IQSEC1: variants seen among roughly 807,000 people sequenced by gnomAD.
IQSEC1 encodes the protein IQ motif and Sec7 domain ArfGEF 1.
In IQSEC1, 31 loss-of-function variants were observed where a neutral mutation model predicts 91.0. That is an observed-to-expected ratio of 0.34 (90% confidence interval 0.26 to 0.46). The LOEUF (loss-of-function observed/expected upper bound fraction) is 0.46, where lower values mean the gene tolerates loss of function less well. Ranked by LOEUF, IQSEC1 falls within the 20% of genes least tolerant of loss-of-function variation. The pLI is 1.00. For synonymous variants in IQSEC1, 699 were observed against 662.6 expected (o/e 1.05, Z -0.84); for missense variants, 1,388 against 1,575.6 (o/e 0.88, Z 2.02).
intron 3 of IQSEC1, among the ~76,000 whole-genome samples, chr3:12,928,894 G>A (rs540350762): frequency 6.6e-5 from 10 of 152,168 alleles, no homozygotes; most frequent in Non-Finnish European, 1.0e-4. Flanking sequence ...GGGAAGCTGT[G>A]CGGTCCCCTA....
At chr3:13,204,521 C>G (rs113045999) in intron 1 of IQSEC1, among the ~76,000 whole-genome samples, 5 of 152,376 alleles carry the variant, frequency 3.3e-5, no homozygotes, top group African/African-American at 1.2e-4. Context: ...CCGCCCACCG[C>G]TAGCGAGAGC....
At chr3:13,255,287 G>A (rs1309313190) in intron 1 of IQSEC1, among the ~76,000 whole-genome samples, 1 of 152,172 alleles carries the variant, frequency 6.6e-6, no homozygotes, top group East Asian at 1.9e-4. Flanking sequence ...GGGTTCCTGA[G>A]GACGGCTCTG....
chr3:12,908,259 G>A lies in IQSEC1; in HGVS notation c.2755+90C>T, dbSNP rs1036751341. The A allele has an allele frequency of 8.6e-6, 12 of 1,388,170 alleles. No individual in the cohort carries two copies. Among genetic ancestry groups the A allele is most frequent in the Non-Finnish European group, 9.9e-6 (10 of 1,010,298 alleles). 86.0% of individuals were successfully genotyped at this position (1,388,170 alleles called of 1,614,324 possible). A position where few individuals can be genotyped will look rare whatever the true frequency, so the allele number is the denominator to read the frequency against. ...CCGCACTGGCTTCGCCGCAGGCCCTGCCCCGCGTGATGCATGCCCTGAATG... is the reference window on the plus strand; with the variant it reads ...CCGCACTGGCTTCGCCGCAGGCCCTACCCCGCGTGATGCATGCCCTGAATG... On this transcript the variant is annotated intron_variant, in intron 12 of 13. Coordinates refer to ENST00000613206, the MANE Select transcript of IQSEC1 (RefSeq NM_001134382.3). This position sits in a 1 kb window ranked among gnomAD's most constrained non-coding sequence, Gnocchi z 4.9.
chr3:13,216,764 C>T (rs1437972404), intron 1 of IQSEC1, among the ~76,000 whole-genome samples: 1 of 152,208 alleles, frequency 6.6e-6, no homozygotes, highest in African/African-American at 2.4e-5. Flanking sequence ...GGACAGAACA[C>T]CCGGATGCAC....
At chr3:13,068,104 T>C (rs360864) in intron 1 of IQSEC1, among the ~76,000 whole-genome samples, 54,243 of 152,204 alleles carry the variant, frequency 0.36, 10,977 homozygotes, top group East Asian at 0.65. Context: ...TGGGAAAAGA[T>C]GCTGACCATG....
chr3:13,137,427 T>C (rs186191852), intron 2 of IQSEC1, among the ~76,000 whole-genome samples: 1 of 152,310 alleles, frequency 6.6e-6, no homozygotes, highest in Admixed American at 6.5e-5. Context: ...AAAATGCCAA[T>C]CTTAGAAGGC....
chr3:13,208,856 C>T (rs1694390214), intron 1 of IQSEC1, among the ~76,000 whole-genome samples: 1 of 152,218 alleles, frequency 6.6e-6, no homozygotes, highest in Non-Finnish European at 1.5e-5. Context: ...CACTGCCCTG[C>T]CGTGGAGTGC....
At position 13,091,031 on chromosome 3, in the gene IQSEC1, G is replaced by A. The variant is rs139697741; in HGVS notation, c.303-43509C>T. On this transcript the variant is annotated intron_variant, in intron 2 of 15. Coordinates refer to the IQSEC1 transcript ENST00000648114. Reference sequence around the variant, plus strand: ...TGGCTGGCCTGGCCTCCTCCTCACCGCCCACACTCCTCTGCCCTGATGACC... The same window carrying A: ...TGGCTGGCCTGGCCTCCTCCTCACCACCCACACTCCTCTGCCCTGATGACC... 4.0e-3 allele frequency among the ~76,000 whole-genome samples: 616 copies of A among 152,176 alleles called. 9 individuals are homozygous for A. Among genetic ancestry groups the A allele is most frequent in the Non-Finnish European group, 2.4e-3 (162 of 67,994 alleles).
At chr3:13,215,486 A>G (rs565040465) in intron 1 of IQSEC1, among the ~76,000 whole-genome samples, 2 of 152,254 alleles carry the variant, frequency 1.3e-5, no homozygotes, top group South Asian at 2.1e-4. Flanking sequence ...TTCGTTTAAA[A>G]TCCATGTTAA....
chr3:13,178,996 C>G (rs114649282), intron 1 of IQSEC1, among the ~76,000 whole-genome samples: 2,601 of 152,292 alleles, frequency 0.017, 81 homozygotes, highest in African/African-American at 0.059. Context: ...AGATGCAGGA[C>G]CCCTTATTCA....
chr3:13,055,170 G>A (rs1425710437), intron 1 of IQSEC1, among the ~76,000 whole-genome samples: 2 of 152,192 alleles, frequency 1.3e-5, no homozygotes, highest in African/African-American at 4.8e-5. Flanking sequence ...CCTCCATCCT[G>A]CCAAACTGCC....
At chr3:12,989,735 G>A (rs535291005) in intron 1 of IQSEC1, among the ~76,000 whole-genome samples, 2 of 152,328 alleles carry the variant, frequency 1.3e-5, no homozygotes, top group African/African-American at 2.4e-5. Flanking sequence ...CAACCCTCCT[G>A]AGTGCTGGTT....
intron 2 of IQSEC1, among the ~76,000 whole-genome samples, chr3:13,158,688 G>T (rs551608517): frequency 6.6e-6 from 1 of 152,266 alleles, no homozygotes; most frequent in South Asian, 2.1e-4. Flanking sequence ...TGCTTCTAAG[G>T]TCAGGGCTGG....
chr3:13,047,520 C>T (rs1704544860), intron 1 of IQSEC1: 2 of 985,124 alleles, frequency 2.0e-6, no homozygotes, highest in African/African-American at 1.7e-5. Context: ...GTCCAGGGAG[C>T]TCCTGAGGTG....
intron 2 of IQSEC1, among the ~76,000 whole-genome samples, chr3:13,162,561 C>T (rs1206969284): frequency 6.6e-6 from 1 of 152,234 alleles, no homozygotes; most frequent in East Asian, 1.9e-4. Context: ...GGCCCTGCCC[C>T]TTGCCCTCCC....
At chr3:13,035,877 C>T (rs1576197359) in intron 1 of IQSEC1, among the ~76,000 whole-genome samples, 1 of 152,214 alleles carries the variant, frequency 6.6e-6, no homozygotes, top group East Asian at 1.9e-4. Context: ...ATTGCTTGCC[C>T]TTGGGACCCA....
chr3:13,089,259 A>G (rs574447793), intron 2 of IQSEC1, among the ~76,000 whole-genome samples: 1 of 152,384 alleles, frequency 6.6e-6, no homozygotes, highest in Non-Finnish European at 1.5e-5. Context: ...CGATCTGTCC[A>G]TACTATGAAA....
chr3:13,050,446 G>A (rs906557506), intron 1 of IQSEC1, among the ~76,000 whole-genome samples: 1 of 152,218 alleles, frequency 6.6e-6, no homozygotes, highest in Non-Finnish European at 1.5e-5. Flanking sequence ...GAGCTGTTGA[G>A]AAATGAGATA....
chr3:12,908,334 A>C lies in IQSEC1; in HGVS notation c.2755+15T>G. The stretch of plus-strand genomic sequence containing the variant: ...TGCGCTGGGCTAGCAAGGTGGTTCT[A>C]GGCCAAGCTCTTACCGGCTTCCGAG... On this transcript the variant is annotated intron_variant, in intron 12 of 13. Coordinates refer to ENST00000613206, the MANE Select transcript of IQSEC1 (RefSeq NM_001134382.3). The surrounding 1 kb of genome is among the most constrained non-coding windows in gnomAD (Gnocchi z 4.9). 1.2e-6 allele frequency: 2 copies of C among 1,610,614 alleles called. No homozygotes were observed. The highest frequency in any genetic ancestry group is 1.7e-6 in the Non-Finnish European group (2 of 1,179,626).
Sources: allele counts gnomAD v4.1 joint callset (sites outside exome capture counted in the v4.1 genomes callset), GRCh38; gene constraint gnomAD v4.1.1; non-coding constraint Gnocchi (gnomAD v3.1); transcripts MANE v1.5; gene names NCBI Gene and HGNC (gene_info 2026-07-23, HGNC 2026-07-21).